HTRA4: variants seen among roughly 807,000 people sequenced by gnomAD.
The protein encoded by HTRA4 is HtrA serine peptidase 4.
In HTRA4, 46 loss-of-function variants were observed where a neutral mutation model predicts 49.1. The ratio of observed to expected loss-of-function variants is 0.94; its 90% CI spans 0.74 to 1.20. The LOEUF is 1.20. Ranked by LOEUF, HTRA4 falls within the 50% of genes most tolerant of loss-of-function variation. HTRA4 has a pLI of 0.00. For synonymous variants in HTRA4, 261 were observed against 264.0 expected (o/e 0.99, Z 0.11); for missense variants, 602 against 636.9 (o/e 0.95, Z 0.59).
chr8:38,975,573 T>G (rs879053711), intron 2 of HTRA4, among the ~76,000 whole-genome samples: 1 of 152,164 alleles, frequency 6.6e-6, no homozygotes, highest in Admixed American at 6.5e-5. Context: ...CATACCCAGC[T>G]AATATTTGTA....
intron 8 of HTRA4, among the ~76,000 whole-genome samples, chr8:38,987,608 G>A (rs545849614): frequency 1.1e-4 from 17 of 152,220 alleles, no homozygotes; most frequent in African/African-American, 3.9e-4. Context: ...CATGTTTGAA[G>A]TTCACAGAGG....
chr8:38,979,095 T>TG (rs1564177438), intron 4 of HTRA4, 120 bp from the exon 5 acceptor site: 3 of 901,560 alleles, frequency 3.3e-6, no homozygotes, highest in East Asian at 2.4e-5. Context: ...TTTGCCGGCC[T>TG]GGGGGGAATA....
chr8:38,981,850 T>C (rs1165019987), intron 6 of HTRA4, 83 bp downstream of exon 6: 2 of 938,218 alleles, frequency 2.1e-6, no homozygotes, highest in African/African-American at 3.3e-5. Context: ...GACAGCAATT[T>C]TTTTGTTTTT....
In HTRA4 at chr8:38,974,313, C is replaced by T. The variant is rs763803442; in HGVS notation, c.50C>T (p.Pro17Leu). 11 of 1,612,866 alleles carry T rather than the reference C, an allele frequency of 6.8e-6. No homozygotes were observed. Among genetic ancestry groups the T allele is most frequent in the Non-Finnish European group, 9.3e-6 (11 of 1,179,722 alleles). The stretch of plus-strand genomic sequence containing the variant: ...GCGGGGCTGGGACGATGCCTCCTGC[C>T]GGGGCTGCTGCTGCTCCTGGTGCCC... ...RTAGLGRCLL[P>L]GLLLLLVPVL... The change falls in exon 1 of 9, where the codon CCG becomes CTG. Residue 17 changes from proline to leucine, a missense_variant. Transcript: ENST00000302495.
intron 8 of HTRA4, among the ~76,000 whole-genome samples, chr8:38,985,164 T>C (rs1244556476): frequency 6.8e-6 from 1 of 147,680 alleles, no homozygotes; most frequent in African/African-American, 2.5e-5. Flanking sequence ...TGTACTTCTT[T>C]TTTTTTTTTT....
Position 38,978,023 on chromosome 8 carries a change from G to A in HTRA4, c.842G>A (p.Gly281Asp), listed in dbSNP as rs773075782. 1.9e-6 allele frequency: 3 copies of A among 1,614,134 alleles called. No individual in the cohort carries two copies. The highest frequency in any genetic ancestry group is 2.2e-5 in the South Asian group (2 of 91,080). The change falls in exon 4 of 9, where the codon GGC (glycine) becomes GAC (aspartate). Residue 281 changes from glycine (G) to aspartate (D), a missense_variant. Physicochemically the swap from Gly to Asp is moderately conservative, Grantham distance 94. Coordinates refer to ENST00000302495, the MANE Select transcript of HTRA4 (RefSeq NM_153692.4). ...LRAGEFVVAL[G>D]SPFSLQNTAT... is the part of the protein sequence containing the mutation. ...GCTGGAGAGTTTGTGGTGGCTTTGG[G>A]CAGCCCATTTTCTCTGCAGAACACA...
intron 6 of HTRA4, 80 bp downstream of exon 6, chr8:38,981,847 A>G: frequency 9.6e-7 from 1 of 1,040,682 alleles, no homozygotes; most frequent in Non-Finnish European, 1.5e-6. Flanking sequence ...GGTGACAGCA[A>G]TTTTTTTGTT....
At position 38,988,025 on chromosome 8, in the gene HTRA4, A is replaced by T; in HGVS notation, c.1358A>T (p.Asp453Val). 1 of 1,612,852 alleles carries T rather than the reference A, an allele frequency of 6.2e-7. No individual in the cohort carries two copies. Among genetic ancestry groups the T allele is most frequent in the South Asian group, 1.1e-5 (1 of 90,650 alleles). The change falls in exon 9 of 9, where the codon GAT becomes GTT. Residue 453 changes from aspartate to valine, a missense_variant. Asp to Val is a radical substitution (Grantham distance 152). Coordinates refer to ENST00000302495, the MANE Select transcript of HTRA4 (RefSeq NM_153692.4). ...GATGTTGTTAAAGCTCTTGACAGTG[A>T]TTCCCTTTCCATGGCTGTTCTTCGG... Reference protein sequence around the residue: ...TTDVVKALDSDSLSMAVLRGK... With the variant: ...TTDVVKALDSVSLSMAVLRGK...
At chr8:38,981,225 A>G (rs1470581370) in intron 5 of HTRA4, among the ~76,000 whole-genome samples, 2 of 149,820 alleles carry the variant, frequency 1.3e-5, no homozygotes, top group South Asian at 2.1e-4. Context: ...GACTACAGGC[A>G]CCCGCCACCA....
Position 38,974,528 on chromosome 8 carries a change from G to T in HTRA4, c.265G>T (p.Ala89Ser). The change falls in exon 1 of 9, where the codon GCC (alanine) becomes TCC (serine). Residue 89 changes from alanine (A) to serine (S), a missense_variant. Physicochemically the swap from Ala to Ser is moderately conservative, Grantham distance 99 (BLOSUM62 1). Coordinates refer to ENST00000302495, the MANE Select transcript of HTRA4 (RefSeq NM_153692.4). ...CGGCGGGGCGCAGGGCCAACCGTGC[G>T]CCCCGGGGCTGCAGTGCCTCCAGCC... is the stretch of plus-strand genomic sequence containing the variant. ...VCGGAQGQPC[A>S]PGLQCLQPLR... The T allele has an allele frequency of 7.0e-7, 1 of 1,424,298 alleles. No individual in the cohort carries two copies. Among genetic ancestry groups the T allele is most frequent in the Non-Finnish European group, 9.1e-7 (1 of 1,101,316 alleles). 88.2% of individuals were successfully genotyped at this position (1,424,298 alleles called of 1,614,324 possible).
Position 38,976,604 on chromosome 8 carries a change from C to T in HTRA4, c.636C>T (p.Leu212=), listed in dbSNP as rs751190307. 21 of 1,613,954 alleles carry T rather than the reference C, an allele frequency of 1.3e-5. No individual in the cohort carries two copies. In the South Asian group the frequency reaches 1.5e-4, roughly 12 times the overall value. ...GGTTCATAGTGTCTGAGGACGGGCTCATTATTACCAATGCCCATGTTGTCA... is the reference window on the plus strand; with the variant it reads ...GGTTCATAGTGTCTGAGGACGGGCTTATTATTACCAATGCCCATGTTGTCA... ...GSGFIVSEDG[L]IITNAHVVRN... is the part of the protein sequence containing the mutation. Residue 212 remains leucine, a synonymous_variant, in exon 3 of 9, where the codon CTC becomes CTT. Transcript: ENST00000302495.
rs766386335 is a variant in HTRA4, at chr8:38,975,148, A to G, written c.566+18A>G. The G allele has an allele frequency of 1.2e-4, 186 of 1,605,314 alleles. 4 individuals are homozygous for G. In the South Asian group the frequency reaches 1.9e-3, roughly 16 times the overall value. On this transcript the variant is annotated intron_variant, in intron 2 of 8. Coordinates refer to ENST00000302495, the MANE Select transcript of HTRA4 (RefSeq NM_153692.4). ...TGGGGCAGGTAAAGGAGGAGGAGGA[A>G]GACCTCCACTGTCCCAGCTAATGGT...
chr8:38,987,871 T>C, intron 8 of HTRA4, 65 bp from the exon 9 acceptor site: 13 of 1,380,014 alleles, frequency 9.4e-6, no homozygotes, highest in South Asian at 1.5e-5. Flanking sequence ...TATTAAATTA[T>C]AGATGGGGAT....
chr8:38,974,752 C>T, intron 1 of HTRA4, 23 bp downstream of exon 1: 2 of 1,412,438 alleles, frequency 1.4e-6, no homozygotes, highest in Non-Finnish European at 1.8e-6. Flanking sequence ...GGCGCGCGCC[C>T]TCGGAACACT....
Position 38,974,282 on chromosome 8 carries a change from C to G in HTRA4, c.19C>G (p.Arg7Gly). Residue 7 changes from arginine to glycine, a missense_variant, in exon 1 of 9, where the codon CGG (arginine) becomes GGG (glycine). Transcript: ENST00000302495. The part of the protein sequence containing the change: MIRPQL[R>G]TAGLGRCLLP... Reference sequence around the variant, plus strand: ...GAACAGGATGATTAGACCTCAGCTGCGGACCGCGGGGCTGGGACGATGCCT... The same window carrying G: ...GAACAGGATGATTAGACCTCAGCTGGGGACCGCGGGGCTGGGACGATGCCT... The G allele has an allele frequency of 6.2e-7, 1 of 1,612,056 alleles. No individual in the cohort carries two copies. The highest frequency in any genetic ancestry group is 8.5e-7 in the Non-Finnish European group (1 of 1,179,318).
In HTRA4 at chr8:38,975,028, T is replaced by C. The variant is rs114482381; in HGVS notation, c.467-3T>C. 1.7e-3 allele frequency: 2,684 copies of C among 1,614,054 alleles called. 27 individuals are homozygous for C. In the African/African-American group the frequency reaches 0.03, roughly 18 times the overall value. The stretch of plus-strand genomic sequence containing the variant: ...GTACTCTTGAGCCAGTATTTTTTCA[T>C]AGGGACCAGAAGCGCAGGCCCGCTC... On this transcript the variant is annotated splice_region_variant and splice_polypyrimidine_tract_variant and intron_variant, in intron 1 of 8. Transcript: ENST00000302495.
rs1161525324 is a variant in HTRA4 at position 38,974,379 on chromosome 8, C to CCTGCCCCGCGGTCTGCCAGCCCACGCG, written c.127_153dup (p.Val43_Ala51dup). 1.9e-6 allele frequency: 3 copies of CCTGCCCCGCGGTCTGCCAGCCCACGCG among 1,584,988 alleles called. No individual in the cohort carries two copies. The highest frequency in any genetic ancestry group is 1.9e-4 in the Middle Eastern group (1 of 5,326). On this transcript the variant is annotated inframe_insertion, in exon 1 of 9. Coordinates refer to ENST00000302495, the MANE Select transcript of HTRA4 (RefSeq NM_153692.4). ...GCTGAAAAGCTACATACCCAGCCCTCCTGCCCCGCGGTCTGCCAGCCCACG... is the reference window on the plus strand; with the variant it reads ...GCTGAAAAGCTACATACCCAGCCCTCCTGCCCCGCGGTCTGCCAGCCCACGCGCTGCCCCGCGGTCTGCCAGCCCACG...
chr8:38,975,050 G>C lies in HTRA4; in HGVS notation c.486G>C (p.Pro162=). 6.2e-7 allele frequency: 1 copy of C among 1,614,080 alleles called. No individual in the cohort carries two copies. Among genetic ancestry groups the C allele is most frequent in the Non-Finnish European group, 8.5e-7 (1 of 1,180,012 alleles). Residue 162 remains proline, a synonymous_variant, in exon 2 of 9, where the codon CCG becomes CCC. Coordinates refer to ENST00000302495, the MANE Select transcript of HTRA4 (RefSeq NM_153692.4). ...TCATAGGGACCAGAAGCGCAGGCCCGCTCAGGAGGAATTACAACTTCATCG... is the reference window on the plus strand; with the variant it reads ...TCATAGGGACCAGAAGCGCAGGCCCCCTCAGGAGGAATTACAACTTCATCG... ...CGDTGTRSAG[P]LRRNYNFIAA...
At chr8:38,975,359 T>C (rs374751402) in intron 2 of HTRA4, among the ~76,000 whole-genome samples, 52 of 152,276 alleles carry the variant, frequency 3.4e-4, no homozygotes, top group African/African-American at 1.2e-3. Flanking sequence ...TGGTGCTTTT[T>C]CCCCCTCCTG....
Sources: allele counts gnomAD v4.1 joint callset (sites outside exome capture counted in the v4.1 genomes callset), GRCh38; gene constraint gnomAD v4.1.1; transcripts MANE v1.5; gene names NCBI Gene and HGNC (gene_info 2026-07-23, HGNC 2026-07-21).